BICC1: variants seen among roughly 807,000 people sequenced by gnomAD.
The protein encoded by BICC1 is BicC family RNA binding protein 1.
BICC1 carries 43 observed loss-of-function variants against 111.0 expected under a neutral mutation model. That is an observed-to-expected ratio of 0.39 (90% confidence interval 0.30 to 0.50). BICC1 has a LOEUF of 0.50. BICC1 is among the 20% of genes least tolerant of loss of function. The pLI is 0.88. For missense variants in BICC1, 1,091 were observed against 1,203.2 expected, an observed-to-expected ratio of 0.91 and a Z score of 1.38; for synonymous variants, 467 against 434.4, an observed-to-expected ratio of 1.07 and a Z score of -0.93.
At chr10:58,753,889 C>A (rs1187711846) in intron 3 of BICC1, among the ~76,000 whole-genome samples, 2 of 151,908 alleles carry the variant, frequency 1.3e-5, no homozygotes, top group African/African-American at 4.8e-5. Context: ...TTTCATTTTT[C>A]TTCCCCCCCT....
At chr10:58,533,197 T>C (rs950462442) in intron 1 of BICC1, among the ~76,000 whole-genome samples, 1 of 151,924 alleles carries the variant, frequency 6.6e-6, no homozygotes, top group Admixed American at 6.6e-5. Flanking sequence ...CTCGTTCCTC[T>C]CATCAAACAA....
chr10:58,653,695 T>C (rs1408258919), intron 2 of BICC1, among the ~76,000 whole-genome samples: 1 of 152,076 alleles, frequency 6.6e-6, no homozygotes, highest in Non-Finnish European at 1.5e-5. Context: ...TTTTTTATTA[T>C]TATGCTTTAA....
intron 3 of BICC1, among the ~76,000 whole-genome samples, chr10:58,754,791 ACT>A (rs1357307996): frequency 1.3e-5 from 2 of 149,712 alleles, no homozygotes; most frequent in South Asian, 2.1e-4. Context: ...TGTGTAAAAC[ACT>A]CTTCTTGAGC....
At chr10:58,541,426 G>A (rs1182163627) in intron 1 of BICC1, among the ~76,000 whole-genome samples, 1 of 151,998 alleles carries the variant, frequency 6.6e-6, no homozygotes, top group Non-Finnish European at 1.5e-5. Context: ...AATCTGAAAA[G>A]GCAGTTGAGG....
chr10:58,671,861 A>C (rs572537459), intron 2 of BICC1, among the ~76,000 whole-genome samples: 23 of 152,198 alleles, frequency 1.5e-4, no homozygotes, highest in African/African-American at 4.6e-4. Flanking sequence ...GATACTTTAA[A>C]GTTCTCATCT....
At chr10:58,609,180 A>T (rs888924858) in intron 1 of BICC1, among the ~76,000 whole-genome samples, 1 of 152,204 alleles carries the variant, frequency 6.6e-6, no homozygotes, top group Non-Finnish European at 1.5e-5. Context: ...GATATTAAGG[A>T]AATGATTATT....
chr10:58,545,221 A>G (rs1448266204), intron 1 of BICC1, among the ~76,000 whole-genome samples: 1 of 152,220 alleles, frequency 6.6e-6, no homozygotes, highest in Non-Finnish European at 1.5e-5. Context: ...AGGATACACG[A>G]TTAGTCTTTA....
intron 1 of BICC1, among the ~76,000 whole-genome samples, chr10:58,618,452 C>T (rs545544138): frequency 2.0e-4 from 31 of 152,356 alleles, no homozygotes; most frequent in East Asian, 9.6e-4. Flanking sequence ...ATCCTGCTGA[C>T]GCTGTACATA....
At position 58,714,707 on chromosome 10, in the gene BICC1, C is replaced by T. The variant is rs192212978; in HGVS notation, c.307+12564C>T. On this transcript the variant is annotated intron_variant, in intron 3 of 20. Coordinates refer to ENST00000373886, the MANE Select transcript of BICC1 (RefSeq NM_001080512.3). Reference sequence around the variant, plus strand: ...ACCACATTTTGATGGTTTCTCAAACCGTGTGTGACCTTTTCCTGGTTTCTC... The same window carrying T: ...ACCACATTTTGATGGTTTCTCAAACTGTGTGTGACCTTTTCCTGGTTTCTC... 2.1e-4 allele frequency among the ~76,000 whole-genome samples: 32 copies of T among 152,112 alleles called. No homozygotes were observed. The East Asian group carries it at 4.5e-3, about 21-fold the overall frequency.
intron 2 of BICC1, among the ~76,000 whole-genome samples, chr10:58,638,619 A>C (rs1443010576): frequency 6.6e-6 from 1 of 152,206 alleles, no homozygotes; most frequent in Non-Finnish European, 1.5e-5. Flanking sequence ...TGTGTGCCTC[A>C]TCAGCCTTCT....
At chr10:58,687,299 C>G (rs1839765788) in intron 2 of BICC1, among the ~76,000 whole-genome samples, 1 of 152,214 alleles carries the variant, frequency 6.6e-6, no homozygotes, top group Non-Finnish European at 1.5e-5. Context: ...AGGTGTCTCC[C>G]AGTTAGGCTA....
chr10:58,706,043 T>G (rs879870387), intron 3 of BICC1, among the ~76,000 whole-genome samples: 63 of 152,322 alleles, frequency 4.1e-4, no homozygotes, highest in Non-Finnish European at 6.9e-4. Context: ...GTAAATTTAT[T>G]TTGAGTGGAT....
intron 2 of BICC1, among the ~76,000 whole-genome samples, chr10:58,667,320 T>C (rs1365911015): frequency 6.6e-6 from 1 of 151,980 alleles, no homozygotes; most frequent in Non-Finnish European, 1.5e-5. Context: ...GAGAACACAG[T>C]AATGATTTTT....
At chr10:58,577,106 C>G (rs1165195812) in intron 1 of BICC1, among the ~76,000 whole-genome samples, 1 of 152,164 alleles carries the variant, frequency 6.6e-6, no homozygotes, top group African/African-American at 2.4e-5. Flanking sequence ...GTCCAGCTAT[C>G]TGCTGGACCT....
chr10:58,820,529 C>A, intron 20 of BICC1, 61 bp downstream of exon 20: 1 of 1,261,834 alleles, frequency 7.9e-7, no homozygotes, highest in Non-Finnish European at 1.1e-6. Flanking sequence ...GTGGTCTCAG[C>A]CATTGGGTTG....
chr10:58,537,214 G>A (rs1451010001), intron 1 of BICC1, among the ~76,000 whole-genome samples: 2 of 151,506 alleles, frequency 1.3e-5, no homozygotes, highest in African/African-American at 4.8e-5. Context: ...TACCTCATTC[G>A]ACCCAGTCAG....
At chr10:58,787,963 T>A (rs1456936551) in intron 5 of BICC1, among the ~76,000 whole-genome samples, 1 of 151,958 alleles carries the variant, frequency 6.6e-6, no homozygotes, top group African/African-American at 2.4e-5. Flanking sequence ...GTGTACCATC[T>A]GGTATGGAAA....
At chr10:58,690,416 A>T (rs1368367067) in intron 2 of BICC1, among the ~76,000 whole-genome samples, 1 of 152,212 alleles carries the variant, frequency 6.6e-6, no homozygotes, top group South Asian at 2.1e-4. Flanking sequence ...AAATGGAAGG[A>T]TCTCTGTTAG....
intron 1 of BICC1, among the ~76,000 whole-genome samples, chr10:58,613,226 T>C (rs554901844): frequency 2.8e-4 from 43 of 152,166 alleles, no homozygotes; most frequent in Non-Finnish European, 5.1e-4. Flanking sequence ...ATTGCTTTCA[T>C]TGGCAGGAAT....
Sources: gnomAD v4.1 joint callset for allele counts (sites outside exome capture counted in the v4.1 genomes callset) on GRCh38, gnomAD v4.1.1 for gene constraint, MANE v1.5 for transcripts, NCBI Gene and HGNC (gene_info 2026-07-23, HGNC 2026-07-21) for gene names.